DDX39A: variants seen among roughly 807,000 people sequenced by gnomAD.
The protein encoded by DDX39A is ATP-dependent RNA helicase DDX39A.
A neutral mutation model predicts 46.3 loss-of-function variants in DDX39A; 13 were observed. The observed-to-expected ratio is 0.28, with a 90% CI of 0.18 to 0.45. The LOEUF is 0.45. DDX39A is among the 20% of genes least tolerant of loss of function. DDX39A has a pLI of 1.00. For synonymous variants in DDX39A, 234 were observed against 224.6 expected, an observed-to-expected ratio of 1.04 and a Z score of -0.38; for missense variants, 352 against 581.8, an observed-to-expected ratio of 0.61 and a Z score of 4.06.
intron 1 of DDX39A, among the ~76,000 whole-genome samples, chr19:14,418,434 C>A (rs372899119): frequency 6.6e-6 from 1 of 152,236 alleles, no homozygotes; most frequent in South Asian, 2.1e-4. Flanking sequence ...CCTGGGGACT[C>A]CTATTTCCAA....
At position 14,408,884 on chromosome 19, in the gene DDX39A, A is replaced by C. The variant is rs904163542; in HGVS notation, c.*52T>G. ...CTCAACAGTGGCGCCTGGAAAGGGG[A>C]GGTGAAGCTGCATGCGGGCGGCTCC... is the stretch of plus-strand genomic sequence containing the variant. On this transcript the variant is annotated 3_prime_UTR_variant, in exon 11 of 11. Coordinates refer to ENST00000242776, the MANE Select transcript of DDX39A (RefSeq NM_005804.4). 38 of 1,538,456 alleles carry C rather than the reference A, an allele frequency of 2.5e-5. 1 individual carries two copies. The Admixed American group carries it at 7.4e-4, about 30-fold the overall frequency.
intron 1 of DDX39A, among the ~76,000 whole-genome samples, chr19:14,417,484 G>C (rs1381706668): frequency 8.2e-6 from 1 of 122,134 alleles, no homozygotes; most frequent in African/African-American, 3.1e-5. Context: ...AAAGTAGCCG[G>C]GTGGGTGGGG....
chr19:14,408,827 T>C lies in DDX39A; in HGVS notation c.*109A>G, dbSNP rs1336763623. The C allele has an allele frequency of 6.2e-6, 9 of 1,456,586 alleles. No individual in the cohort carries two copies. In the Admixed American group the frequency reaches 1.2e-4, roughly 20 times the overall value. The allele number at this position is 1,456,586 out of a possible 1,614,324, so 90.2% of individuals were successfully genotyped here. On this transcript the variant is annotated 3_prime_UTR_variant, in exon 11 of 11. Coordinates refer to ENST00000242776, the MANE Select transcript of DDX39A (RefSeq NM_005804.4). ...TGGGGTGGGAGCCAGGCTTCCATAA[T>C]AACAAGTTTATTCTCATACAATCTC...
At position 14,412,413 on chromosome 19, in the gene DDX39A, C is replaced by G. The variant is rs530535597; in HGVS notation, c.336+138G>C. 3 of 1,250,938 alleles carry G rather than the reference C, an allele frequency of 2.4e-6. No individual in the cohort carries two copies. Among genetic ancestry groups the G allele is most frequent in the Non-Finnish European group, 3.3e-6 (3 of 907,386 alleles). The allele number at this position is 1,250,938 out of a possible 1,614,324, so 77.5% of individuals were successfully genotyped here. ...GTGTGATCATAGCACACTGCAGCCT[C>G]GACTTCCTGGGCTCAAGCAATCCTC... On this transcript the variant is annotated intron_variant, in intron 3 of 10. Transcript: ENST00000242776. The surrounding 1 kb of genome is among the most constrained non-coding windows in gnomAD (Gnocchi z 4.4).
intron 1 of DDX39A, among the ~76,000 whole-genome samples, chr19:14,414,325 T>TTTTTTTTTA (rs1395863016): frequency 1.5e-3 from 195 of 133,518 alleles, no homozygotes; most frequent in African/African-American, 5.4e-3. Context: ...TATCACCTGT[T>TTTTTTTTTA]TTATTATTAT....
rs56883382 is a variant in DDX39A at position 14,410,504 on chromosome 19, G to A, written c.614-170C>T. ...GTCCTGGTGCCTGAGGGGCTGGGGG[G>A]TGGCCAGCGAGCGCAGGCGCGGGAG... is the stretch of plus-strand genomic sequence containing the variant. On this transcript the variant is annotated intron_variant, in intron 5 of 10. Coordinates refer to ENST00000242776, the MANE Select transcript of DDX39A (RefSeq NM_005804.4). The surrounding 1 kb of genome is among the most constrained non-coding windows in gnomAD (Gnocchi z 4.3). 0.015 allele frequency: 9,602 copies of A among 640,502 alleles called. 666 individuals carry two copies. Among genetic ancestry groups the A allele is most frequent in the African/African-American group, 0.15 (8,280 of 55,304 alleles). 39.7% of individuals were successfully genotyped at this position (640,502 alleles called of 1,614,324 possible).
rs1976484419 is a variant in DDX39A at position 14,409,719 on chromosome 19, G to C, written c.864+23C>G. The C allele has an allele frequency of 2.5e-6, 4 of 1,613,844 alleles. No homozygotes were observed. Among genetic ancestry groups the C allele is most frequent in the African/African-American group, 2.7e-5 (2 of 74,946 alleles). ...GACCTCCCGAAGGTCCTGAGCCCCA[G>C]GACAGGCTGATGGAAGTATCACCTG... On this transcript the variant is annotated intron_variant, in intron 7 of 10. Transcript: ENST00000242776. This position sits in a 1 kb window ranked among gnomAD's most constrained non-coding sequence, Gnocchi z 8.3.
intron 1 of DDX39A, chr19:14,416,532 C>T (rs1285314913): frequency 6.6e-6 from 1 of 152,358 alleles, no homozygotes; most frequent in Non-Finnish European, 1.5e-5. Flanking sequence ...GAAGGGGTCA[C>T]TTCCCAGGCA....
chr19:14,418,144 A>AAAAAAAAAGAG (rs1555713108), intron 1 of DDX39A, among the ~76,000 whole-genome samples: 1 of 148,688 alleles, frequency 6.7e-6, no homozygotes, highest in African/African-American at 2.5e-5. Context: ...AAAAAAAAAA[A>AAAAAAAAAGAG]AGAGAGAGAG....
Position 14,411,196 on chromosome 19 carries a change from C to T in DDX39A, c.430-24G>A. On this transcript the variant is annotated intron_variant, in intron 4 of 10. Transcript: ENST00000242776. The surrounding 1 kb of genome is among the most constrained non-coding windows in gnomAD (Gnocchi z 4.1). ...ACCTATGGGGATGAGGAGGAAACCG[C>T]TCCATGCTGATACACGGCCCAAGGC... 6.5e-7 allele frequency: 1 copy of T among 1,549,132 alleles called. No homozygotes were observed. Among genetic ancestry groups the T allele is most frequent in the Non-Finnish European group, 8.7e-7 (1 of 1,147,998 alleles).
chr19:14,411,269 C>T lies in DDX39A; in HGVS notation c.430-97G>A. On this transcript the variant is annotated intron_variant, in intron 4 of 10. Transcript: ENST00000242776. The surrounding 1 kb of genome is among the most constrained non-coding windows in gnomAD (Gnocchi z 4.1). Reference sequence around the variant, plus strand: ...CTGCGAACAGGAGGCCTCAGGGGACCAAGGCAGGCCTGAGAGCCTCCCGGG... The same window carrying T: ...CTGCGAACAGGAGGCCTCAGGGGACTAAGGCAGGCCTGAGAGCCTCCCGGG... 7.1e-7 allele frequency: 1 copy of T among 1,401,774 alleles called. No homozygotes were observed. 86.8% of individuals were successfully genotyped at this position (1,401,774 alleles called of 1,614,324 possible). A position where few individuals can be genotyped will look rare whatever the true frequency, so the allele number is the denominator to read the frequency against.
At chr19:14,417,418 C>G (rs992406272) in intron 1 of DDX39A, among the ~76,000 whole-genome samples, 2 of 142,310 alleles carry the variant, frequency 1.4e-5, no homozygotes, top group South Asian at 2.2e-4. Flanking sequence ...CCCAGGAGTT[C>G]GAGACCAACC....
chr19:14,417,036 C>G (rs1010925297), intron 1 of DDX39A, among the ~76,000 whole-genome samples: 1 of 152,138 alleles, frequency 6.6e-6, no homozygotes, highest in Non-Finnish European at 1.5e-5. Context: ...TAGATTGGAG[C>G]TGAGCCACTC....
rs1976648118 is a variant in DDX39A, at chr19:14,412,825, C to T, written c.209-147G>A. The T allele has an allele frequency of 3.1e-6, 4 of 1,305,880 alleles. No individual in the cohort carries two copies. The highest frequency in any genetic ancestry group is 2.1e-6 in the Non-Finnish European group (2 of 963,598). The allele number at this position is 1,305,880 out of a possible 1,614,324, so 80.9% of individuals were successfully genotyped here. A position where few individuals can be genotyped will look rare whatever the true frequency, so the allele number is the denominator to read the frequency against. On this transcript the variant is annotated intron_variant, in intron 2 of 10. Coordinates refer to ENST00000242776, the MANE Select transcript of DDX39A (RefSeq NM_005804.4). This position sits in a 1 kb window ranked among gnomAD's most constrained non-coding sequence, Gnocchi z 4.4. ...CAGACACCTGCAGGGCTGGGGTATCCGCCTGGTCAAAGCAGAACGCCCCAC... is the reference window on the plus strand; with the variant it reads ...CAGACACCTGCAGGGCTGGGGTATCTGCCTGGTCAAAGCAGAACGCCCCAC...
chr19:14,417,418 C>T (rs992406272), intron 1 of DDX39A, among the ~76,000 whole-genome samples: 3 of 142,310 alleles, frequency 2.1e-5, no homozygotes, highest in African/African-American at 5.3e-5. Flanking sequence ...CCCAGGAGTT[C>T]GAGACCAACC....
At chr19:14,415,928 C>A in intron 1 of DDX39A, 1 of 172,482 alleles carries the variant, frequency 5.8e-6, no homozygotes, top group South Asian at 8.6e-5. Context: ...CAAAAATGTG[C>A]CGGGTGTGGT....
At chr19:14,416,789 G>A (rs2032314595) in intron 1 of DDX39A, among the ~76,000 whole-genome samples, 1 of 152,178 alleles carries the variant, frequency 6.6e-6, no homozygotes, top group Non-Finnish European at 1.5e-5. Context: ...CAGGCCCAGT[G>A]AGTCCACCAC....
chr19:14,412,599 C>A lies in DDX39A; in HGVS notation c.288G>T (p.Ala96=), dbSNP rs761746247. 3.1e-6 allele frequency: 5 copies of A among 1,610,988 alleles called. No individual in the cohort carries two copies. Among genetic ancestry groups the A allele is most frequent in the South Asian group, 1.1e-5 (1 of 91,086 alleles). Reference sequence around the variant, plus strand: ...GCTGTAGGGTGGCCAGCACGAAGACCGCTGTCTTGCCCATCCCGGACTTGG... The same window carrying A: ...GCTGTAGGGTGGCCAGCACGAAGACAGCTGTCTTGCCCATCCCGGACTTGG... ...CQAKSGMGKT[A]VFVLATLQQI... Residue 96 remains alanine, a synonymous_variant, in exon 3 of 11, where the codon GCG becomes GCT. Coordinates refer to ENST00000242776, the MANE Select transcript of DDX39A (RefSeq NM_005804.4). This position sits in a 1 kb window ranked among gnomAD's most constrained non-coding sequence, Gnocchi z 4.4.
Position 14,410,173 on chromosome 19 carries a change from G to A in DDX39A, c.732+43C>T, listed in dbSNP as rs370474298. 9.1e-5 allele frequency: 144 copies of A among 1,581,550 alleles called. No homozygotes were observed. The highest frequency in any genetic ancestry group is 1.2e-4 in the Non-Finnish European group (136 of 1,151,816). ...GGGTGTCCTGGGGCCCCAGGCTCCA[G>A]GCCCCTGGGGAAGGCCAAAGCTGCC... On this transcript the variant is annotated intron_variant, in intron 6 of 10. Coordinates refer to ENST00000242776, the MANE Select transcript of DDX39A (RefSeq NM_005804.4). The surrounding 1 kb of genome is among the most constrained non-coding windows in gnomAD (Gnocchi z 4.3).
Sources: gnomAD v4.1 joint callset for allele counts (sites outside exome capture counted in the v4.1 genomes callset) on GRCh38, gnomAD v4.1.1 for gene constraint, Gnocchi (gnomAD v3.1) non-coding constraint, MANE v1.5 for transcripts, NCBI Gene and HGNC (gene_info 2026-07-23, HGNC 2026-07-21) for gene names.